CA10: variants seen among roughly 807,000 people sequenced by gnomAD.
CA10 encodes the protein carbonic anhydrase 10 (inactive), also known as carbonic anhydrase-related protein 10.
CA10 carries 14 observed loss-of-function variants against 44.2 expected under a neutral mutation model. That is an observed-to-expected ratio of 0.32 (90% CI 0.21 to 0.50). The LOEUF (loss-of-function observed/expected upper bound fraction) is 0.50. CA10 is among the 20% of genes least tolerant of loss of function. CA10 has a pLI of 0.99. For synonymous variants in CA10, 159 were observed against 141.6 expected, an observed-to-expected ratio of 1.12 and a Z score of -0.87; for missense variants, 350 against 409.7, an observed-to-expected ratio of 0.85 and a Z score of 1.26.
At chr17:51,914,043 A>G (rs1056006284) in intron 3 of CA10, among the ~76,000 whole-genome samples, 11 of 152,178 alleles carry the variant, frequency 7.2e-5, no homozygotes, top group African/African-American at 2.7e-4. Context: ...TAGGAGAAAC[A>G]GAGACAGGCC....
chr17:51,952,530 G>C (rs2144035701), intron 2 of CA10, among the ~76,000 whole-genome samples: 1 of 146,618 alleles, frequency 6.8e-6, no homozygotes, highest in Non-Finnish European at 1.5e-5. Flanking sequence ...ATTCCAGCCT[G>C]GGTGACAGAG....
intron 4 of CA10, among the ~76,000 whole-genome samples, chr17:51,684,999 CCTT>C: frequency 6.6e-6 from 1 of 152,284 alleles, no homozygotes; most frequent in South Asian, 2.1e-4. Flanking sequence ...CACTTGAACA[CCTT>C]CTTAGGTCTC....
intron 4 of CA10, among the ~76,000 whole-genome samples, chr17:51,711,611 C>T (rs1915944539): frequency 6.6e-6 from 1 of 152,128 alleles, no homozygotes; most frequent in Non-Finnish European, 1.5e-5. Context: ...AAGTGTTTTC[C>T]TGAGGATATG....
intron 2 of CA10, among the ~76,000 whole-genome samples, chr17:52,002,444 GC>G (rs1156621089): frequency 6.6e-6 from 1 of 151,830 alleles, no homozygotes; most frequent in Non-Finnish European, 1.5e-5. Context: ...GAAGTGACCA[GC>G]CTGGGGTCAT....
intron 2 of CA10, among the ~76,000 whole-genome samples, chr17:51,943,244 T>C (rs1983151792): frequency 6.6e-6 from 1 of 152,188 alleles, no homozygotes; most frequent in East Asian, 1.9e-4. Flanking sequence ...TCTGGATTTC[T>C]AGAGAAGCTG....
intron 4 of CA10, among the ~76,000 whole-genome samples, chr17:51,699,896 T>C (rs921681472): frequency 4.6e-5 from 7 of 152,228 alleles, no homozygotes; most frequent in Non-Finnish European, 1.0e-4. Flanking sequence ...TTAGTATTAA[T>C]TATGATCTCT....
chr17:51,800,528 T>C (rs1373564517), intron 3 of CA10, among the ~76,000 whole-genome samples: 3 of 152,048 alleles, frequency 2.0e-5, no homozygotes, highest in African/African-American at 7.2e-5. Flanking sequence ...AAGAACCAAA[T>C]GAGATAATTC....
At chr17:51,889,279 T>C (rs1980749818) in intron 3 of CA10, among the ~76,000 whole-genome samples, 3 of 152,114 alleles carry the variant, frequency 2.0e-5, no homozygotes, top group Non-Finnish European at 4.4e-5. Context: ...CCTAACACTT[T>C]GGGAGGCTGG....
intron 2 of CA10, among the ~76,000 whole-genome samples, chr17:51,938,316 A>G (rs1425024124): frequency 6.6e-6 from 1 of 152,102 alleles, no homozygotes; most frequent in African/African-American, 2.4e-5. Flanking sequence ...TGTGATTCCA[A>G]CACTGTAGCA....
At chr17:51,797,934 TA>T (rs1413522309) in intron 3 of CA10, among the ~76,000 whole-genome samples, 1 of 150,760 alleles carries the variant, frequency 6.6e-6, no homozygotes, top group African/African-American at 2.4e-5. Context: ...GACTAGCATC[TA>T]GGGGCTACTG....
chr17:52,133,143 T>C (rs568290216), intron 1 of CA10, among the ~76,000 whole-genome samples: 3 of 152,258 alleles, frequency 2.0e-5, no homozygotes, highest in African/African-American at 7.2e-5. Flanking sequence ...TCTGGTACCA[T>C]GCCCTTTGGT....
chr17:51,873,350 C>A (rs933845523), intron 3 of CA10, among the ~76,000 whole-genome samples: 1 of 152,134 alleles, frequency 6.6e-6, no homozygotes. Context: ...TTCTCTGAGC[C>A]TCGGTATTTT....
intron 3 of CA10, among the ~76,000 whole-genome samples, chr17:51,879,181 A>G (rs1980250532): frequency 6.6e-6 from 1 of 151,930 alleles, no homozygotes; most frequent in Non-Finnish European, 1.5e-5. Flanking sequence ...TTGTGTAGCC[A>G]TTTATCTACT....
At chr17:51,979,163 G>A (rs1212137607) in intron 2 of CA10, among the ~76,000 whole-genome samples, 1 of 152,042 alleles carries the variant, frequency 6.6e-6, no homozygotes, top group East Asian at 1.9e-4. Flanking sequence ...CCATACTGGA[G>A]TGAACCTTAA....
chr17:51,790,150 C>A (rs1259109279), intron 3 of CA10, among the ~76,000 whole-genome samples: 1 of 152,174 alleles, frequency 6.6e-6, no homozygotes, highest in Non-Finnish European at 1.5e-5. Context: ...TGAGTGGTAG[C>A]TTTCTAAATC....
At chr17:51,913,880 TAGG>T (rs1280814633) in intron 3 of CA10, among the ~76,000 whole-genome samples, 1 of 152,144 alleles carries the variant, frequency 6.6e-6, no homozygotes, top group East Asian at 1.9e-4. Context: ...AACACTGAAC[TAGG>T]AGAAGCACAA....
At chr17:51,966,689 T>C (rs1378514731) in intron 2 of CA10, among the ~76,000 whole-genome samples, 2 of 151,828 alleles carry the variant, frequency 1.3e-5, no homozygotes, top group Non-Finnish European at 2.9e-5. Flanking sequence ...CCTTTCACCA[T>C]ATATGAACCT....
rs191618811 is a variant in CA10, at chr17:51,734,425, A to G, written c.465+13208T>C. 1.6e-3 allele frequency among the ~76,000 whole-genome samples: 238 copies of G among 152,310 alleles called. 1 individual carries two copies. Among genetic ancestry groups the G allele is most frequent in the Admixed American group, 2.9e-3 (45 of 15,298 alleles). On this transcript the variant is annotated intron_variant, in intron 4 of 8. Coordinates refer to ENST00000451037, the MANE Select transcript of CA10 (RefSeq NM_020178.5). ...AAGGTCACCTAGTCGTAGGGTGAGC[A>G]TATGATTCATTGTGCAAACTGGAGG... is the stretch of plus-strand genomic sequence containing the variant.
intron 6 of CA10, among the ~76,000 whole-genome samples, chr17:51,643,905 T>C (rs1421424885): frequency 1.3e-5 from 2 of 152,228 alleles, no homozygotes; most frequent in Non-Finnish European, 2.9e-5. Context: ...AGCATTAATA[T>C]CTTCCTCTTA....
Sources: allele counts gnomAD v4.1 joint callset (sites outside exome capture counted in the v4.1 genomes callset), GRCh38; gene constraint gnomAD v4.1.1; transcripts MANE v1.5; gene names NCBI Gene and HGNC (gene_info 2026-07-23, HGNC 2026-07-21).